GPAT4: variants seen among roughly 807,000 people sequenced by gnomAD.
GPAT4 encodes the protein glycerol-3-phosphate acyltransferase 4.
GPAT4 carries 17 observed loss-of-function variants against 58.0 expected under a neutral mutation model. The observed-to-expected ratio is 0.29, with a 90% CI of 0.20 to 0.44. GPAT4 has a LOEUF of 0.44. GPAT4 is among the 20% of genes least tolerant of loss of function. The pLI, the probability that GPAT4 is intolerant of heterozygous loss-of-function variation, is 1.00. For missense variants in GPAT4, 377 were observed against 574.5 expected (o/e 0.66, Z 3.51); for synonymous variants, 204 against 210.1 (o/e 0.97, Z 0.25).
intron 1 of GPAT4, among the ~76,000 whole-genome samples, chr8:41,579,067 A>T (rs145661873): frequency 2.2e-3 from 337 of 152,268 alleles, no homozygotes; most frequent in African/African-American, 6.0e-3. Context: ...CCTTAGTTTC[A>T]TGTCTTGTAG....
At chr8:41,612,360 AACAC>A in intron 7 of GPAT4, 87 bp downstream of exon 7, 7 of 1,361,392 alleles carry the variant, frequency 5.1e-6, no homozygotes, top group Non-Finnish European at 7.2e-6. Context: ...CCTTCACATA[AACAC>A]ATTTATGCGT....
Position 41,612,175 on chromosome 8 carries a change from C to T in GPAT4, c.702-5C>T. 6 of 1,614,188 alleles carry T rather than the reference C, an allele frequency of 3.7e-6. No homozygotes were observed. Among genetic ancestry groups the T allele is most frequent in the Non-Finnish European group, 5.1e-6 (6 of 1,180,008 alleles). ...TTGGTTGCTTTGCATACATTTTAAA[C>T]CCAGGGAAAACAGACCAAGAAATGG... On this transcript the variant is annotated splice_polypyrimidine_tract_variant and splice_region_variant and intron_variant, in intron 6 of 12. Transcript: ENST00000396987.
rs772493321 is a variant in GPAT4 at position 41,614,407 on chromosome 8, T to C, written c.933T>C (p.Asp311=). Residue 311 remains aspartate, a synonymous_variant, in exon 9 of 13, where the codon GAT becomes GAC. Transcript: ENST00000396987. The part of the protein sequence containing the change: ...VAKRLTEHVQ[D]KSKLPILIFP... ...AAAGACTGACTGAACATGTGCAAGA[T>C]AAAAGCAAGCTGCCTATCCTCATCT... is the stretch of plus-strand genomic sequence containing the variant. 6.2e-7 allele frequency: 1 copy of C among 1,614,032 alleles called. No individual in the cohort carries two copies. The highest frequency in any genetic ancestry group is 1.7e-5 in the Admixed American group (1 of 60,008).
intron 12 of GPAT4, among the ~76,000 whole-genome samples, chr8:41,619,850 C>G (rs1225057279): frequency 1.3e-5 from 2 of 152,188 alleles, no homozygotes; most frequent in Non-Finnish European, 2.9e-5. Context: ...TTAAAAAATG[C>G]TAGTGTGGAT....
intron 1 of GPAT4, among the ~76,000 whole-genome samples, chr8:41,582,337 TAGACA>T (rs1254517431): frequency 6.6e-6 from 1 of 151,964 alleles, no homozygotes; most frequent in Non-Finnish European, 1.5e-5. Flanking sequence ...ACACATAGAC[TAGACA>T]GTAAGAGTTG....
At chr8:41,586,439 A>G (rs887926814) in intron 1 of GPAT4, among the ~76,000 whole-genome samples, 4 of 152,166 alleles carry the variant, frequency 2.6e-5, no homozygotes, top group African/African-American at 9.7e-5. Flanking sequence ...TTAGGAGTAG[A>G]ATTGCGAGGT....
chr8:41,605,474 C>T (rs1803232568), intron 2 of GPAT4, among the ~76,000 whole-genome samples: 1 of 152,220 alleles, frequency 6.6e-6, no homozygotes, highest in Non-Finnish European at 1.5e-5. Context: ...AGAGCAAAAA[C>T]ACGGCGCATG....
chr8:41,592,020 C>A (rs1208240599), intron 1 of GPAT4, among the ~76,000 whole-genome samples: 1 of 152,200 alleles, frequency 6.6e-6, no homozygotes, highest in Non-Finnish European at 1.5e-5. Context: ...AGTCCAGTAT[C>A]CCTACGAGCC....
In GPAT4 at chr8:41,621,974, G is replaced by C. The variant is rs905026774; in HGVS notation, c.*973G>C. On this transcript the variant is annotated 3_prime_UTR_variant, in exon 13 of 13. Transcript: ENST00000396987. Reference sequence around the variant, plus strand: ...TGTGGCCCTGAGTAGCAGGCTTCTCGTGAGGATTCCCGTTCTCTTCTGGGA... The same window carrying C: ...TGTGGCCCTGAGTAGCAGGCTTCTCCTGAGGATTCCCGTTCTCTTCTGGGA... The C allele has an allele frequency of 6.6e-6, 1 of 152,232 alleles. No individual in the cohort carries two copies. The highest frequency in any genetic ancestry group is 2.1e-4 in the South Asian group (1 of 4,824). 9.4% of individuals were successfully genotyped at this position (152,232 alleles called of 1,614,324 possible).
At chr8:41,591,976 G>T (rs999056087) in intron 1 of GPAT4, among the ~76,000 whole-genome samples, 1 of 152,208 alleles carries the variant, frequency 6.6e-6, no homozygotes, top group African/African-American at 2.4e-5. Flanking sequence ...AAGACAGCTT[G>T]TAAACGTTTG....
At chr8:41,597,691 T>C in intron 1 of GPAT4, among the ~76,000 whole-genome samples, 1 of 152,174 alleles carries the variant, frequency 6.6e-6, no homozygotes, top group East Asian at 1.9e-4. Flanking sequence ...ACTGGTGAAC[T>C]AAGTTGTGGC....
At chr8:41,594,847 A>C (rs1179283785) in intron 1 of GPAT4, among the ~76,000 whole-genome samples, 1 of 151,866 alleles carries the variant, frequency 6.6e-6, no homozygotes, top group African/African-American at 2.4e-5. Context: ...GCCCGGCCCA[A>C]ACTTTTTTTT....
chr8:41,584,095 C>G (rs1035364263), intron 1 of GPAT4, among the ~76,000 whole-genome samples: 5 of 152,130 alleles, frequency 3.3e-5, no homozygotes, highest in African/African-American at 1.2e-4. Flanking sequence ...TGGGGTCTCT[C>G]CTTGTTGTCC....
At chr8:41,585,332 CGACTG>C (rs949857457) in intron 1 of GPAT4, among the ~76,000 whole-genome samples, 2 of 152,162 alleles carry the variant, frequency 1.3e-5, no homozygotes, top group Admixed American at 6.5e-5. Context: ...GAAGTGCACT[CGACTG>C]GACATCAGAT....
chr8:41,618,089 G>C (rs1312606686), intron 10 of GPAT4, among the ~76,000 whole-genome samples: 1 of 152,260 alleles, frequency 6.6e-6, no homozygotes, highest in South Asian at 2.1e-4. Flanking sequence ...TCCCAAGGCT[G>C]TCAGCGTGAG....
intron 1 of GPAT4, among the ~76,000 whole-genome samples, chr8:41,595,446 C>T (rs905762035): frequency 1.3e-5 from 2 of 149,252 alleles, no homozygotes; most frequent in Non-Finnish European, 3.0e-5. Flanking sequence ...AAAGCAGTTG[C>T]CACTACAGAT....
intron 2 of GPAT4, among the ~76,000 whole-genome samples, chr8:41,604,631 G>A (rs560935138): frequency 6.6e-6 from 1 of 152,346 alleles, no homozygotes; most frequent in East Asian, 1.9e-4. Flanking sequence ...TGGATGTAAA[G>A]GAGAAAGATG....
chr8:41,614,117 G>GGTGGCCCCCAGGTTGA (rs1183297682), intron 8 of GPAT4, among the ~76,000 whole-genome samples: 40 of 152,202 alleles, frequency 2.6e-4, no homozygotes, highest in Non-Finnish European at 1.0e-4. Flanking sequence ...GTCTCTTTCA[G>GGTGGCCCCCAGGTTGA]GTGGCCCCCA....
At chr8:41,598,154 C>T (rs1802981402) in intron 1 of GPAT4, 138 bp from the exon 2 acceptor site, 2 of 152,156 alleles carry the variant, frequency 1.3e-5, no homozygotes, top group Admixed American at 6.5e-5. Context: ...TCTCTTTGAC[C>T]TTGATGACTT....
Sources: gnomAD v4.1 joint callset for allele counts (sites outside exome capture counted in the v4.1 genomes callset) on GRCh38, gnomAD v4.1.1 for gene constraint, MANE v1.5 for transcripts, NCBI Gene and HGNC (gene_info 2026-07-23, HGNC 2026-07-21) for gene names.